Variants in DNAH10 observed in about 807,000 individuals in gnomAD.
DNAH10 encodes the protein axonemal beta dynein heavy chain 10.
DNAH10 carries 348 observed loss-of-function variants against 506.6 expected under a neutral mutation model. The ratio of observed to expected loss-of-function variants is 0.69; its 90% CI spans 0.63 to 0.75. The LOEUF is 0.75. DNAH10 is among the 30% of genes least tolerant of loss of function. DNAH10 has a pLI of 0.00. For missense variants in DNAH10, 5,179 were observed against 5,787.1 expected (o/e 0.89, Z 3.41); for synonymous variants, 2,059 against 2,198.6 (o/e 0.94, Z 1.78).
At chr12:123,901,158 C>T (rs375293525) in intron 56 of DNAH10, among the ~76,000 whole-genome samples, 6 of 152,356 alleles carry the variant, frequency 3.9e-5, no homozygotes, top group African/African-American at 9.6e-5. Flanking sequence ...CACCTGGCTT[C>T]GCCAGCCCCC....
At position 123,931,686 on chromosome 12, in the gene DNAH10, AAAG is replaced by A; in HGVS notation, c.12970_12972del (p.Glu4324del). ...CGATGATTATATTGGCCAAGTGGCC[AAAG>A]AAATAGAAAACAAGATGCCCAAAGT... On this transcript the variant is annotated inframe_deletion, in exon 75 of 79. Transcript: ENST00000673944. The A allele has an allele frequency of 6.2e-7, 1 of 1,614,050 alleles. No homozygotes were observed. The highest frequency in any genetic ancestry group is 8.5e-7 in the Non-Finnish European group (1 of 1,179,904).
chr12:123,893,297 A>G lies in DNAH10; in HGVS notation c.9060A>G (p.Glu3020=), dbSNP rs777869489. The G allele has an allele frequency of 1.2e-6, 2 of 1,614,066 alleles. No homozygotes were observed. Among genetic ancestry groups the G allele is most frequent in the East Asian group, 4.5e-5 (2 of 44,886 alleles). The change falls in exon 53 of 79, where the codon GAA becomes GAG. Residue 3020 remains glutamate, a synonymous_variant. Transcript: ENST00000673944. ...KESILSQIGQ[E]ALKQGMGPAK... is the part of the protein sequence containing the mutation. ...CTATCCTGAGTCAGATTGGACAGGA[A>G]GCTCTGAAGCAAGGCATGGGGCCGG...
intron 5 of DNAH10, among the ~76,000 whole-genome samples, chr12:123,779,552 T>G (rs996053414): frequency 9.9e-5 from 15 of 152,230 alleles, no homozygotes; most frequent in Admixed American, 3.9e-4. Flanking sequence ...ACAGACATTT[T>G]AGAACATTTC....
intron 51 of DNAH10, among the ~76,000 whole-genome samples, chr12:123,886,615 T>C (rs1952744993): frequency 6.6e-6 from 1 of 152,004 alleles, no homozygotes. Flanking sequence ...AGCGTGTGTG[T>C]CAATGCATAG....
At chr12:123,771,527 A>C in intron 2 of DNAH10, 74 bp from the exon 3 acceptor site, 2 of 1,249,832 alleles carry the variant, frequency 1.6e-6, no homozygotes, top group Non-Finnish European at 2.3e-6. Context: ...GGTGCACAAA[A>C]TGCAGGGCTG....
intron 47 of DNAH10, among the ~76,000 whole-genome samples, chr12:123,877,459 G>A (rs532535887): frequency 1.3e-5 from 2 of 152,148 alleles, no homozygotes; most frequent in East Asian, 1.9e-4. Context: ...TTACAGGTGC[G>A]CACCACCATG....
chr12:123,859,309 G>T (rs754569268), intron 38 of DNAH10, 41 bp downstream of exon 38: 1 of 1,467,648 alleles, frequency 6.8e-7, no homozygotes, highest in Non-Finnish European at 9.1e-7. Flanking sequence ...CTGCCACAGG[G>T]GCTCACAGTA....
chr12:123,841,198 G>T, intron 29 of DNAH10, 124 bp from the exon 30 acceptor site: 1 of 960,852 alleles, frequency 1.0e-6, no homozygotes, highest in South Asian at 1.4e-5. Flanking sequence ...TCTTGCCTGC[G>T]ATCTCGGCTC....
At position 123,799,297 on chromosome 12, in the gene DNAH10, A is replaced by G; in HGVS notation, c.2215A>G (p.Arg739Gly). The change falls in exon 14 of 79, where the codon AGA (arginine) becomes GGA (glycine). Residue 739 changes from arginine (R) to glycine (G), a missense_variant. Physicochemically the swap from Arg to Gly is moderately radical, Grantham distance 125 (BLOSUM62 -2). This residue lies in a region of DNAH10 where 4,844 missense variants were observed against 5,430.5 expected (regional missense o/e 0.89). Transcript: ENST00000673944. ...VGRTMKEYED[R>G]KYEQWMEVTE... ...TAGGACAATGAAGGAGTATGAAGAC[A>G]GAAAGTATGAGCAGTGGATGGAGGT... 6.2e-7 allele frequency: 1 copy of G among 1,614,014 alleles called. No homozygotes were observed. The highest frequency in any genetic ancestry group is 8.5e-7 in the Non-Finnish European group (1 of 1,179,916).
At chr12:123,777,942 C>A (rs184136961) in intron 5 of DNAH10, among the ~76,000 whole-genome samples, 1 of 152,148 alleles carries the variant, frequency 6.6e-6, no homozygotes. Flanking sequence ...GGATTGCAGG[C>A]ATGAGCCACC....
chr12:123,890,317 C>G lies in DNAH10; in HGVS notation c.8996-2916C>G, dbSNP rs919608007. Among the ~76,000 whole-genome samples the G allele has an allele frequency of 9.9e-5, 15 of 152,014 alleles. 1 individual carries two copies. The highest frequency in any genetic ancestry group is 3.1e-4 in the African/African-American group (13 of 41,382). ...ACAGGGTCTTACTCTGTTGCCCAGG[C>G]CAGAATGCAGCGGCATGATCATAGC... On this transcript the variant is annotated intron_variant, in intron 52 of 78. Coordinates refer to ENST00000673944, the MANE Select transcript of DNAH10 (RefSeq NM_001372106.1).
chr12:123,928,580 C>A lies in DNAH10; in HGVS notation c.12299C>A (p.Ser4100Tyr), dbSNP rs761964815. 3.4e-5 allele frequency: 55 copies of A among 1,598,642 alleles called. No individual in the cohort carries two copies. The highest frequency in any genetic ancestry group is 1.6e-4 in the Middle Eastern group (1 of 6,070). The stretch of plus-strand genomic sequence containing the variant: ...TTCCCCATTGGGATTCTGCAGAAGT[C>A]CCTAAAGGTCTGGCTTCAGGATGGA... ...KGFPIGILQKSLKVVTEPPNG... is the reference protein window; with the variant it reads ...KGFPIGILQKYLKVVTEPPNG... Residue 4100 changes from serine (S) to tyrosine (Y), a missense_variant, in exon 70 of 79, where the codon TCC becomes TAC. Around this residue, in one of 3 missense-constraint regions of DNAH10, gnomAD observed 4,844 missense variants for 5,430.5 expected, o/e 0.89. Coordinates refer to ENST00000673944, the MANE Select transcript of DNAH10 (RefSeq NM_001372106.1). The surrounding 1 kb of genome is among the most constrained non-coding windows in gnomAD (Gnocchi z 4.9).
At chr12:123,793,812 AC>A in intron 11 of DNAH10, 129 bp from the exon 12 acceptor site, 1 of 623,566 alleles carries the variant, frequency 1.6e-6, no homozygotes, top group Non-Finnish European at 2.2e-6. Context: ...TAAATTGGAT[AC>A]CAGTTTCCAT....
intron 5 of DNAH10, among the ~76,000 whole-genome samples, chr12:123,775,908 C>A (rs1565889043): frequency 6.6e-6 from 1 of 152,052 alleles, no homozygotes; most frequent in Non-Finnish European, 1.5e-5. Flanking sequence ...GCTGTGGAGG[C>A]CTCAGGAAAC....
At chr12:123,806,475 T>C (rs1174294583) in intron 18 of DNAH10, among the ~76,000 whole-genome samples, 1 of 152,242 alleles carries the variant, frequency 6.6e-6, no homozygotes, top group East Asian at 1.9e-4. Context: ...ATTAGTGTCT[T>C]CTTCGTTCCT....
intron 45 of DNAH10, among the ~76,000 whole-genome samples, chr12:123,872,250 G>A (rs1162060681): frequency 1.3e-5 from 2 of 152,144 alleles, no homozygotes; most frequent in Non-Finnish European, 2.9e-5. Context: ...AATTCGCAGG[G>A]TGCACAGGAC....
At chr12:123,772,699 T>A in intron 3 of DNAH10, 135 bp from the exon 4 acceptor site, 1 of 648,052 alleles carries the variant, frequency 1.5e-6, no homozygotes, top group South Asian at 2.1e-5. Flanking sequence ...ACCCACTGTG[T>A]GGCTGTGGCT....
Position 123,928,866 on chromosome 12 carries a change from C to G in DNAH10, c.12306+279C>G, listed in dbSNP as rs867554690. Reference sequence around the variant, plus strand: ...TTCATAAACTTCACGGCCCCCCCCCCCACACACAGCCTGCAGTTCGCTAGT... The same window carrying G: ...TTCATAAACTTCACGGCCCCCCCCCGCACACACAGCCTGCAGTTCGCTAGT... On this transcript the variant is annotated intron_variant, in intron 70 of 78. Transcript: ENST00000673944. This position sits in a 1 kb window ranked among gnomAD's most constrained non-coding sequence, Gnocchi z 4.9. 96 of 410,822 alleles carry G rather than the reference C, an allele frequency of 2.3e-4. No individual in the cohort carries two copies. Among genetic ancestry groups the G allele is most frequent in the African/African-American group, 1.8e-3 (45 of 25,446 alleles). 25.4% of individuals were successfully genotyped at this position (410,822 alleles called of 1,614,324 possible).
intron 26 of DNAH10, among the ~76,000 whole-genome samples, chr12:123,831,604 C>T (rs1235705062): frequency 2.6e-5 from 4 of 152,236 alleles, no homozygotes; most frequent in South Asian, 2.1e-4. Context: ...AGAAAAGGTA[C>T]AGCCAAGGCC....
Sources: allele counts gnomAD v4.1 joint callset (sites outside exome capture counted in the v4.1 genomes callset), GRCh38; gene constraint gnomAD v4.1.1; regional missense constraint gnomAD v4.1.1; non-coding constraint Gnocchi (gnomAD v3.1); transcripts MANE v1.5; gene names NCBI Gene and HGNC (gene_info 2026-07-23, HGNC 2026-07-21).